The following CSMD3 variants were observed in gnomAD, a reference collection of about 807,000 sequenced individuals.
CSMD3 encodes the protein CUB and Sushi multiple domains 3, also known as CUB and sushi domain-containing protein 3.
Under a neutral mutation model 435.2 loss-of-function variants are expected in CSMD3, and 177 were observed. The observed-to-expected ratio is 0.41, with a 90% CI of 0.36 to 0.46. CSMD3 has a LOEUF of 0.46. CSMD3 is among the 20% of genes least tolerant of loss of function. The pLI is 0.34. For missense variants in CSMD3, 4,265 were observed against 4,504.6 expected (o/e 0.95, Z 1.52); for synonymous variants, 1,656 against 1,520.5 (o/e 1.09, Z -2.07).
At chr8:113,251,739 T>G (rs2093336750) in intron 3 of CSMD3, among the ~76,000 whole-genome samples, 1 of 152,062 alleles carries the variant, frequency 6.6e-6, no homozygotes, top group Non-Finnish European at 1.5e-5. Context: ...TTTTGACCCT[T>G]GAGCCAGAGA....
chr8:112,865,684 CCCCACACACACA>C (rs1189511011), intron 10 of CSMD3, among the ~76,000 whole-genome samples: 136 of 136,408 alleles, frequency 1.0e-3, no homozygotes, highest in Middle Eastern at 7.5e-3. Context: ...CCTTTACATA[CCCCACACACACA>C]CACACACACA....
chr8:112,827,248 T>A (rs1311043895), intron 12 of CSMD3, among the ~76,000 whole-genome samples: 1 of 137,288 alleles, frequency 7.3e-6, no homozygotes, highest in Non-Finnish European at 1.5e-5. Context: ...TTAGCTCAAA[T>A]AGCTTTTTTT....
At position 112,408,965 on chromosome 8, in the gene CSMD3, T is replaced by C. The variant is rs1563910384; in HGVS notation, c.5463A>G (p.Pro1821=). The change falls in exon 33 of 71, where the codon CCA becomes CCG. Residue 1821 remains proline, a synonymous_variant. Coordinates refer to ENST00000297405, the MANE Select transcript of CSMD3 (RefSeq NM_198123.2). ...LHDVVEVYDG[P]TQQSSLLSSL... ...AAGATAACAGAGAAGATTGCTGAGT[T>C]GGCCCATCATACACCTCAACAACAT... The C allele has an allele frequency of 2.5e-6, 4 of 1,613,572 alleles. No individual in the cohort carries two copies. The highest frequency in any genetic ancestry group is 1.7e-5 in the Admixed American group (1 of 59,944).
At chr8:112,863,979 C>G (rs932066282) in intron 10 of CSMD3, among the ~76,000 whole-genome samples, 2 of 151,968 alleles carry the variant, frequency 1.3e-5, no homozygotes, top group African/African-American at 2.4e-5. Context: ...AAATGTGGAT[C>G]CCCACACTAG....
intron 56 of CSMD3, among the ~76,000 whole-genome samples, 167 bp from the exon 57 acceptor site, chr8:112,289,705 G>C (rs1158243746): frequency 6.6e-6 from 1 of 152,076 alleles, no homozygotes; most frequent in Admixed American, 6.6e-5. Context: ...ACAAAGTGGA[G>C]TTTGCAGCTA....
chr8:113,259,646 AC>A (rs1255237848), intron 3 of CSMD3, among the ~76,000 whole-genome samples: 1 of 152,124 alleles, frequency 6.6e-6, no homozygotes, highest in Non-Finnish European at 1.5e-5. Context: ...GAGGACTTAC[AC>A]AAGGAATTTA....
At chr8:112,887,009 C>A (rs2081619553) in intron 10 of CSMD3, among the ~76,000 whole-genome samples, 2 of 151,282 alleles carry the variant, frequency 1.3e-5, no homozygotes, top group Non-Finnish European at 3.0e-5. Flanking sequence ...AGTGCATGGT[C>A]CAAATCTTGG....
intron 59 of CSMD3, among the ~76,000 whole-genome samples, chr8:112,274,312 A>G (rs1817823531): frequency 6.6e-6 from 1 of 152,206 alleles, no homozygotes. Context: ...AAATTAGTTG[A>G]ATCCCCTGAT....
intron 5 of CSMD3, among the ~76,000 whole-genome samples, chr8:113,057,646 T>A (rs578030532): frequency 6.6e-6 from 1 of 152,018 alleles, no homozygotes; most frequent in Non-Finnish European, 1.5e-5. Context: ...CATAAGAAAA[T>A]TTTGTTATTA....
chr8:113,162,143 TTTGA>T (rs1409129742), intron 4 of CSMD3, among the ~76,000 whole-genome samples: 11 of 151,982 alleles, frequency 7.2e-5, no homozygotes, highest in Admixed American at 2.0e-4. Context: ...ATTAAAAATG[TTTGA>T]TTGGGTGGTT....
chr8:112,971,371 A>T (rs569079519), intron 7 of CSMD3, among the ~76,000 whole-genome samples: 1 of 152,268 alleles, frequency 6.6e-6, no homozygotes, highest in South Asian at 2.1e-4. Flanking sequence ...ATTGCTCAAG[A>T]TCATAAAGCT....
chr8:113,175,825 A>C (rs573256332), intron 3 of CSMD3, among the ~76,000 whole-genome samples: 1 of 152,098 alleles, frequency 6.6e-6, no homozygotes, highest in African/African-American at 2.4e-5. Flanking sequence ...CCACCCTCTA[A>C]AAAATAATTA....
At chr8:113,312,980 G>A (rs1419910481) in intron 2 of CSMD3, 1 of 152,178 alleles carries the variant, frequency 6.6e-6, no homozygotes, top group Admixed American at 6.5e-5. Flanking sequence ...AATCAACCTA[G>A]TAACCTTGTT....
intron 23 of CSMD3, among the ~76,000 whole-genome samples, chr8:112,581,829 A>C (rs1218498175): frequency 6.6e-6 from 1 of 152,044 alleles, no homozygotes; most frequent in Admixed American, 6.6e-5. Context: ...AATAATGGAA[A>C]GAGATGATGG....
chr8:112,566,855 C>T (rs1468247813), intron 24 of CSMD3, among the ~76,000 whole-genome samples: 1 of 152,066 alleles, frequency 6.6e-6, no homozygotes, highest in Non-Finnish European at 1.5e-5. Context: ...AAATGTCATA[C>T]CTGGTTCAAC....
intron 3 of CSMD3, among the ~76,000 whole-genome samples, chr8:113,208,008 C>T (rs982899491): frequency 1.3e-5 from 2 of 151,964 alleles, no homozygotes; most frequent in African/African-American, 4.8e-5. Context: ...TTTTAGAGGC[C>T]GATGGTAGAA....
At chr8:113,367,318 T>C (rs373133357) in intron 1 of CSMD3, among the ~76,000 whole-genome samples, 27 of 152,158 alleles carry the variant, frequency 1.8e-4, no homozygotes, top group Middle Eastern at 3.4e-3. Context: ...AATTTTTTCA[T>C]GAAGATTTTA....
In CSMD3 at chr8:112,301,878, G is replaced by A. The variant is rs1258675208; in HGVS notation, c.8355C>T (p.Cys2785=). 2.7e-5 allele frequency: 43 copies of A among 1,613,120 alleles called. No homozygotes were observed. The highest frequency in any genetic ancestry group is 3.5e-5 in the Non-Finnish European group (41 of 1,179,338). Residue 2785 remains cysteine, a synonymous_variant, in exon 53 of 71, where the codon TGC becomes TGT. Transcript: ENST00000297405. ...TSYGSTAIFT[C]DLGFMLVGSA... is the part of the protein sequence containing the mutation. ...AGCCCACAAGCATGAATCCCAAGTC[G>A]CAGGTAAAGATAGCTGTTGAGCCAT...
At chr8:112,792,696 A>G (rs1256333419) in intron 13 of CSMD3, among the ~76,000 whole-genome samples, 1 of 152,144 alleles carries the variant, frequency 6.6e-6, no homozygotes, top group Non-Finnish European at 1.5e-5. Flanking sequence ...TTAGGTCTAT[A>G]ATACATTGCA....
Sources: allele counts gnomAD v4.1 joint callset (sites outside exome capture counted in the v4.1 genomes callset), GRCh38; gene constraint gnomAD v4.1.1; transcripts MANE v1.5; gene names NCBI Gene and HGNC (gene_info 2026-07-23, HGNC 2026-07-21).